The following SLC6A6 variants were observed in gnomAD, a reference collection of about 807,000 sequenced individuals.
SLC6A6 encodes sodium- and chloride-dependent taurine transporter.
Under a neutral mutation model 68.8 loss-of-function variants are expected in SLC6A6, and 16 were observed. The ratio of observed to expected loss-of-function variants is 0.23; its 90% CI spans 0.16 to 0.35. The LOEUF (loss-of-function observed/expected upper bound fraction) is 0.35. SLC6A6 is among the 10% of genes least tolerant of loss of function. SLC6A6 has a pLI of 1.00. For missense variants in SLC6A6, 474 were observed against 802.8 expected (o/e 0.59, Z 4.95); for synonymous variants, 312 against 315.4 (o/e 0.99, Z 0.12).
chr3:14,402,612 T>G lies in SLC6A6; in HGVS notation c.-289T>G, dbSNP rs1019487239. On this transcript the variant is annotated 5_prime_UTR_variant, in exon 1 of 15. Transcript: ENST00000622186. This position sits in a 1 kb window ranked among gnomAD's most constrained non-coding sequence, Gnocchi z 4.8. ...CAGCAGGATGGGTGATGCTGAGAGC[T>G]GCCTGCTCAGACAACAGACACGCGA... is the stretch of plus-strand genomic sequence containing the variant. The G allele has an allele frequency of 7.5e-6, 3 of 397,356 alleles. No individual in the cohort carries two copies. Among genetic ancestry groups the G allele is most frequent in the Non-Finnish European group, 1.3e-5 (3 of 225,526 alleles). The allele number at this position is 397,356 out of a possible 1,614,324, so 24.6% of individuals were successfully genotyped here.
rs766906389 is a variant in SLC6A6 at position 14,477,905 on chromosome 3, G to A, written c.1348-561G>A. On this transcript the variant is annotated intron_variant, in intron 11 of 14. Transcript: ENST00000622186. This position sits in a 1 kb window ranked among gnomAD's most constrained non-coding sequence, Gnocchi z 4.2. Reference sequence around the variant, plus strand: ...AGAAGGGAACGGGAACGTCTAAGACGTGTCTAGCAAGAGGCAAGCCAGATG... The same window carrying A: ...AGAAGGGAACGGGAACGTCTAAGACATGTCTAGCAAGAGGCAAGCCAGATG... Among the ~76,000 whole-genome samples, 5 of 152,104 alleles carry A rather than the reference G, an allele frequency of 3.3e-5. No individual in the cohort carries two copies. The highest frequency in any genetic ancestry group is 7.2e-5 in the African/African-American group (3 of 41,412).
At chr3:14,421,337 C>T (rs1175149689) in intron 2 of SLC6A6, among the ~76,000 whole-genome samples, 1 of 152,140 alleles carries the variant, frequency 6.6e-6, no homozygotes, top group African/African-American at 2.4e-5. Context: ...GCTCAGGGGT[C>T]CCGTGAGCCT....
In SLC6A6 at chr3:14,468,422, G is replaced by T. The variant is rs1183173961; in HGVS notation, c.1096+210G>T. Reference sequence around the variant, plus strand: ...ATTTGTATTGCAATTTGGCCCTGATGGGTGGCAAAAGCATGGGGGGTGGTT... The same window carrying T: ...ATTTGTATTGCAATTTGGCCCTGATTGGTGGCAAAAGCATGGGGGGTGGTT... On this transcript the variant is annotated intron_variant, in intron 9 of 14. Coordinates refer to ENST00000622186, the MANE Select transcript of SLC6A6 (RefSeq NM_003043.6). The surrounding 1 kb of genome is among the most constrained non-coding windows in gnomAD (Gnocchi z 4.5). 6.6e-6 allele frequency among the ~76,000 whole-genome samples: 1 copy of T among 151,368 alleles called. No homozygotes were observed. Among genetic ancestry groups the T allele is most frequent in the Non-Finnish European group, 1.5e-5 (1 of 67,868 alleles).
chr3:14,413,581 C>G (rs1350690364), intron 1 of SLC6A6, among the ~76,000 whole-genome samples: 1 of 152,174 alleles, frequency 6.6e-6, no homozygotes, highest in African/African-American at 2.4e-5. Flanking sequence ...CACCCCAGAC[C>G]TTCTCATTTA....
At chr3:14,438,599 G>A (rs985286395) in intron 2 of SLC6A6, among the ~76,000 whole-genome samples, 1 of 152,144 alleles carries the variant, frequency 6.6e-6, no homozygotes, top group Non-Finnish European at 1.5e-5. Context: ...CCCTGTTCTG[G>A]GACTCTAGGA....
chr3:14,443,890 G>T (rs775262242), intron 3 of SLC6A6, 27 bp downstream of exon 3: 1 of 1,523,204 alleles, frequency 6.6e-7, no homozygotes, highest in Non-Finnish European at 9.1e-7. Context: ...CCACAGGGGA[G>T]CCCATCCAGT....
chr3:14,475,597 C>T (rs1700859607), intron 10 of SLC6A6, among the ~76,000 whole-genome samples: 1 of 152,174 alleles, frequency 6.6e-6, no homozygotes, highest in Non-Finnish European at 1.5e-5. Context: ...TGGAGAAGGG[C>T]AGTGTTCTCT....
At chr3:14,421,113 G>A (rs1337576773) in intron 2 of SLC6A6, among the ~76,000 whole-genome samples, 2 of 152,202 alleles carry the variant, frequency 1.3e-5, no homozygotes, top group Middle Eastern at 3.2e-3. Flanking sequence ...GGAGATGGAG[G>A]GGTGGCACCT....
chr3:14,452,587 G>A (rs1294679056), intron 5 of SLC6A6, among the ~76,000 whole-genome samples: 1 of 152,178 alleles, frequency 6.6e-6, no homozygotes, highest in Non-Finnish European at 1.5e-5. Flanking sequence ...TGTGCCACAT[G>A]TGTGTCTCCC....
chr3:14,455,787 G>A (rs1051157740), intron 5 of SLC6A6, among the ~76,000 whole-genome samples: 3 of 152,250 alleles, frequency 2.0e-5, no homozygotes, highest in Non-Finnish European at 2.9e-5. Context: ...TTTTAAAGCC[G>A]TGGCAGGCGC....
At chr3:14,474,183 G>A (rs1007720671) in intron 10 of SLC6A6, among the ~76,000 whole-genome samples, 2 of 152,202 alleles carry the variant, frequency 1.3e-5, no homozygotes, top group African/African-American at 4.8e-5. Flanking sequence ...GAATCTGATC[G>A]CACAGGTGGG....
At chr3:14,436,257 G>A (rs908081648) in intron 2 of SLC6A6, among the ~76,000 whole-genome samples, 1 of 152,144 alleles carries the variant, frequency 6.6e-6, no homozygotes, top group Non-Finnish European at 1.5e-5. Flanking sequence ...CTGGAGTGAG[G>A]TGGCATGATC....
intron 2 of SLC6A6, among the ~76,000 whole-genome samples, chr3:14,443,160 A>C (rs1325019583): frequency 6.6e-6 from 1 of 152,096 alleles, no homozygotes; most frequent in African/African-American, 2.4e-5. Context: ...GCAAAAGAGG[A>C]GCCTCCATTT....
At chr3:14,433,339 G>A (rs180981016) in intron 2 of SLC6A6, among the ~76,000 whole-genome samples, 10 of 152,270 alleles carry the variant, frequency 6.6e-5, no homozygotes, top group Non-Finnish European at 1.2e-4. Flanking sequence ...CCATGGAGCC[G>A]GCAGGGTTTG....
intron 5 of SLC6A6, among the ~76,000 whole-genome samples, chr3:14,454,489 A>T (rs1223619863): frequency 1.3e-5 from 2 of 152,078 alleles, no homozygotes; most frequent in Non-Finnish European, 2.9e-5. Context: ...TGGAAGTCAG[A>T]CACGGAAGGG....
intron 6 of SLC6A6, among the ~76,000 whole-genome samples, chr3:14,459,612 G>C (rs1374091223): frequency 6.6e-6 from 1 of 152,072 alleles, no homozygotes. Flanking sequence ...GCGGGAGCAG[G>C]GGACATGGGT....
At chr3:14,464,529 C>G (rs1382270136) in intron 6 of SLC6A6, among the ~76,000 whole-genome samples, 1 of 152,222 alleles carries the variant, frequency 6.6e-6, no homozygotes, top group Non-Finnish European at 1.5e-5. Flanking sequence ...CTGAGGGCAG[C>G]TGAGCTAAGC....
intron 1 of SLC6A6, among the ~76,000 whole-genome samples, chr3:14,409,255 A>G (rs1699181067): frequency 6.6e-6 from 1 of 152,226 alleles, no homozygotes; most frequent in African/African-American, 2.4e-5. Flanking sequence ...TTTGGGAGCC[A>G]CTGACTTTGC....
rs1701239805 is a variant in SLC6A6 at position 14,488,558 on chromosome 3, G to A, written c.*3551G>A. ...ACACAAGCCAGGAAAGGACCCAAGAGAAAATCCTTCAAGGTGGCCTGAGGT... is the reference window on the plus strand; with the variant it reads ...ACACAAGCCAGGAAAGGACCCAAGAAAAAATCCTTCAAGGTGGCCTGAGGT... On this transcript the variant is annotated 3_prime_UTR_variant, in exon 15 of 15. Transcript: ENST00000622186. 6.6e-6 allele frequency: 1 copy of A among 152,262 alleles called. No homozygotes were observed. Among genetic ancestry groups the A allele is most frequent in the Non-Finnish European group, 1.5e-5 (1 of 68,090 alleles). 9.4% of individuals were successfully genotyped at this position (152,262 alleles called of 1,614,324 possible). A position where few individuals can be genotyped will look rare whatever the true frequency, so the allele number is the denominator to read the frequency against.
Sources: allele counts gnomAD v4.1 joint callset (sites outside exome capture counted in the v4.1 genomes callset), GRCh38; gene constraint gnomAD v4.1.1; non-coding constraint Gnocchi (gnomAD v3.1); transcripts MANE v1.5; gene names NCBI Gene and HGNC (gene_info 2026-07-23, HGNC 2026-07-21).